The following ALG14 variants were observed in gnomAD, a reference collection of about 807,000 sequenced individuals.
ALG14 encodes the protein ALG14 UDP-N-acetylglucosaminyltransferase subunit.
ALG14 carries 17 observed loss-of-function variants against 22.8 expected under a neutral mutation model. The ratio of observed to expected loss-of-function variants is 0.75; its 90% CI spans 0.51 to 1.12. ALG14 has a LOEUF of 1.12. ALG14 is among the 50% of genes most tolerant of loss of function. The probability of loss-of-function intolerance (pLI) is 0.00; values close to 1 mark genes in which losing one functional copy is unlikely to be tolerated. For synonymous variants in ALG14, 89 were observed against 103.7 expected (o/e 0.86, Z 0.86); for missense variants, 288 against 271.8 (o/e 1.06, Z -0.42).
intron 1 of ALG14, among the ~76,000 whole-genome samples, chr1:95,068,547 C>A (rs1675455007): frequency 6.6e-6 from 1 of 152,152 alleles, no homozygotes; most frequent in South Asian, 2.1e-4. Flanking sequence ...ACCTCAGCCT[C>A]CCAAATTGCT....
chr1:95,037,792 T>A (rs996461344), intron 2 of ALG14, among the ~76,000 whole-genome samples: 3 of 152,206 alleles, frequency 2.0e-5, no homozygotes, highest in African/African-American at 7.2e-5. Flanking sequence ...AAATCATGTA[T>A]GAAACAATTG....
chr1:95,021,064 AATCCTT>A (rs2100762351), intron 3 of ALG14, among the ~76,000 whole-genome samples: 1 of 152,362 alleles, frequency 6.6e-6, no homozygotes, highest in East Asian at 1.9e-4. Flanking sequence ...TTATCAAAAA[AATCCTT>A]AGACGAATTC....
At chr1:95,026,508 G>A (rs1673822706) in intron 3 of ALG14, among the ~76,000 whole-genome samples, 1 of 151,776 alleles carries the variant, frequency 6.6e-6, no homozygotes, top group Non-Finnish European at 1.5e-5. Flanking sequence ...GTGTGTATGT[G>A]TGTGTGAGAC....
Position 95,027,272 on chromosome 1 carries a change from C to G in ALG14, c.289-12G>C. 4 of 1,613,440 alleles carry G rather than the reference C, an allele frequency of 2.5e-6. No homozygotes were observed. Among genetic ancestry groups the G allele is most frequent in the Non-Finnish European group, 2.5e-6 (3 of 1,179,554 alleles). The stretch of plus-strand genomic sequence containing the variant: ...TAGTATTTGGTATACTAGAAGGAAA[C>G]AGATGGAATCCAAATCAACTGAGTC... On this transcript the variant is annotated splice_polypyrimidine_tract_variant and intron_variant, in intron 2 of 3. Transcript: ENST00000370205.
intron 1 of ALG14, among the ~76,000 whole-genome samples, chr1:95,068,677 T>C (rs557845697): frequency 6.6e-6 from 1 of 152,302 alleles, no homozygotes; most frequent in Non-Finnish European, 1.5e-5. Flanking sequence ...TCCTCCAAAA[T>C]TTTGGGCATG....
chr1:95,055,761 G>C (rs1159640863), intron 2 of ALG14, among the ~76,000 whole-genome samples: 1 of 146,130 alleles, frequency 6.8e-6, no homozygotes, highest in Non-Finnish European at 1.5e-5. Context: ...GGGAGGCCCA[G>C]GCGGGCGGAT....
intron 1 of ALG14, among the ~76,000 whole-genome samples, chr1:95,068,186 TTGAA>T (rs1460088647): frequency 1.3e-5 from 2 of 152,338 alleles, no homozygotes; most frequent in African/African-American, 4.8e-5. Context: ...GGCTGTCCTA[TTGAA>T]TGAAAGAATG....
intron 1 of ALG14, among the ~76,000 whole-genome samples, 158 bp downstream of exon 1, chr1:95,072,605 C>A (rs1557662207): frequency 6.6e-6 from 1 of 152,178 alleles, no homozygotes; most frequent in Non-Finnish European, 1.5e-5. Context: ...CAGCCCCTAC[C>A]CTGGCTGGAC....
At chr1:95,018,429 G>A (rs1428586410) in intron 3 of ALG14, among the ~76,000 whole-genome samples, 1 of 151,952 alleles carries the variant, frequency 6.6e-6, no homozygotes, top group Non-Finnish European at 1.5e-5. Flanking sequence ...CCTGCTACTC[G>A]GGAGGTTGAG....
rs1672364533 is a variant in ALG14 at position 94,974,852 on chromosome 1, T to A, written c.*8224A>T. On this transcript the variant is annotated 3_prime_UTR_variant, in exon 4 of 4. Transcript: ENST00000370205. ...CACAGAAGGGAGAGCTTTTCTCTCT[T>A]CCAAGGTGTCTGAGCCTCAGCTGGG... 1 of 152,246 alleles carries A rather than the reference T, an allele frequency of 6.6e-6. No individual in the cohort carries two copies. The highest frequency in any genetic ancestry group is 1.5e-5 in the Non-Finnish European group (1 of 68,048). 9.4% of individuals were successfully genotyped at this position (152,246 alleles called of 1,614,324 possible). A position where few individuals can be genotyped will look rare whatever the true frequency, so the allele number is the denominator to read the frequency against.
chr1:95,044,830 T>G (rs550680001), intron 2 of ALG14, among the ~76,000 whole-genome samples: 1 of 152,270 alleles, frequency 6.6e-6, no homozygotes, highest in Non-Finnish European at 1.5e-5. Context: ...TAATATTGCC[T>G]GGCAAATGGA....
At chr1:95,024,034 T>C (rs74101979) in intron 3 of ALG14, among the ~76,000 whole-genome samples, 1 of 152,234 alleles carries the variant, frequency 6.6e-6, no homozygotes, top group Non-Finnish European at 1.5e-5. Context: ...ACTTTAATAA[T>C]CAGCAATCTC....
At chr1:95,072,331 T>C (rs768048606) in intron 1 of ALG14, among the ~76,000 whole-genome samples, 1 of 152,240 alleles carries the variant, frequency 6.6e-6, no homozygotes, top group Non-Finnish European at 1.5e-5. Flanking sequence ...ATTGTTTTTA[T>C]CCTCTTGGAC....
intron 3 of ALG14, among the ~76,000 whole-genome samples, chr1:95,016,139 T>G (rs1393601414): frequency 6.6e-6 from 1 of 152,228 alleles, no homozygotes; most frequent in Non-Finnish European, 1.5e-5. Flanking sequence ...AACCCTGGTA[T>G]GCATGTTGCC....
intron 3 of ALG14, among the ~76,000 whole-genome samples, chr1:95,004,060 T>A (rs1673139866): frequency 6.6e-6 from 1 of 152,076 alleles, no homozygotes; most frequent in Admixed American, 6.5e-5. Context: ...TGTATTCAAT[T>A]CCCAATATCT....
chr1:94,994,747 G>A (rs761204959), intron 3 of ALG14, among the ~76,000 whole-genome samples: 2 of 152,136 alleles, frequency 1.3e-5, no homozygotes, highest in African/African-American at 2.4e-5. Context: ...GTTAGAAGTG[G>A]GCTTAAGGCA....
At chr1:95,030,492 G>C (rs1031239208) in intron 2 of ALG14, among the ~76,000 whole-genome samples, 8 of 152,080 alleles carry the variant, frequency 5.3e-5, no homozygotes, top group Non-Finnish European at 1.5e-5. Flanking sequence ...CAAATTGTGT[G>C]GCCTAATCTC....
chr1:94,993,099 C>T (rs531598997), intron 3 of ALG14, among the ~76,000 whole-genome samples: 2 of 148,342 alleles, frequency 1.3e-5, no homozygotes, highest in Admixed American at 1.4e-4. Flanking sequence ...TTAGCCTACC[C>T]TTCAGGGCAT....
At chr1:94,986,771 C>CTTT (rs35357830) in intron 3 of ALG14, among the ~76,000 whole-genome samples, 21 of 139,802 alleles carry the variant, frequency 1.5e-4, no homozygotes, top group Non-Finnish European at 2.0e-4. Context: ...GCGCCTGGCC[C>CTTT]TTTTTTTTTT....
Sources: allele counts gnomAD v4.1 joint callset (sites outside exome capture counted in the v4.1 genomes callset), GRCh38; gene constraint gnomAD v4.1.1; transcripts MANE v1.5; gene names NCBI Gene and HGNC (gene_info 2026-07-23, HGNC 2026-07-21).